SLF2: variants seen among roughly 807,000 people sequenced by gnomAD.
SLF2 encodes SMC5/6 complex localization factor 2, also known as SMC5-SMC6 complex localization factor protein 2.
SLF2 carries 68 observed loss-of-function variants against 124.3 expected under a neutral mutation model. The observed-to-expected ratio is 0.55, with a 90% confidence interval of 0.45 to 0.67. The LOEUF is 0.67. Ranked by LOEUF, SLF2 falls within the 30% of genes least tolerant of loss-of-function variation. The pLI, the probability that SLF2 is intolerant of heterozygous loss-of-function variation, is 0.00. For synonymous variants in SLF2, 480 were observed against 478.8 expected, an observed-to-expected ratio of 1.00 and a Z score of -0.03; for missense variants, 1,246 against 1,373.7, an observed-to-expected ratio of 0.91 and a Z score of 1.47.
At chr10:100,920,854 C>G (rs1463284404) in intron 4 of SLF2, among the ~76,000 whole-genome samples, 3 of 152,148 alleles carry the variant, frequency 2.0e-5, no homozygotes, top group African/African-American at 7.2e-5. Flanking sequence ...GAGGCCAAGG[C>G]AGGAAAATTG....
chr10:100,950,795 T>C, intron 17 of SLF2, 42 bp downstream of exon 17: 4 of 1,458,502 alleles, frequency 2.7e-6, no homozygotes, highest in Non-Finnish European at 3.9e-6. Context: ...TTTAAATAGG[T>C]GTTACTGATG....
chr10:100,924,349 A>G lies in SLF2; in HGVS notation c.1348A>G (p.Ile450Val). 6.2e-7 allele frequency: 1 copy of G among 1,613,940 alleles called. No homozygotes were observed. The highest frequency in any genetic ancestry group is 8.5e-7 in the Non-Finnish European group (1 of 1,179,986). The change falls in exon 5 of 20, where the codon ATT (isoleucine) becomes GTT (valine). Residue 450 changes from isoleucine (I) to valine (V), a missense_variant. Transcript: ENST00000238961. Reference sequence around the variant, plus strand: ...ACCTTTATCTCAGGAAAAGTCTGCAATTAAAAAAGCTAGCAACCTTCAGAA... The same window carrying G: ...ACCTTTATCTCAGGAAAAGTCTGCAGTTAAAAAAGCTAGCAACCTTCAGAA... Reference protein sequence around the residue: ...HLPLSQEKSAIKKASNLQKNK... With the variant: ...HLPLSQEKSAVKKASNLQKNK...
At chr10:100,943,154 G>A (rs1414784284) in intron 11 of SLF2, among the ~76,000 whole-genome samples, 2 of 152,156 alleles carry the variant, frequency 1.3e-5, no homozygotes, top group Non-Finnish European at 2.9e-5. Context: ...ATAAATTTAG[G>A]TATGGTTGAA....
intron 1 of SLF2, chr10:100,913,812 G>A: frequency 1.0e-6 from 1 of 985,598 alleles, no homozygotes; most frequent in Non-Finnish European, 1.2e-6. Flanking sequence ...TAAAGATTTT[G>A]TGGGAGCTAT....
In SLF2 at chr10:100,918,450, A is replaced by G; in HGVS notation, c.973+9A>G. The stretch of plus-strand genomic sequence containing the variant: ...ATGGGAACCTACTTCAGGTAGAATC[A>G]AAATTAAATTTATGGATTTCTAAAT... On this transcript the variant is annotated intron_variant, in intron 4 of 19. Transcript: ENST00000238961. The G allele has an allele frequency of 6.5e-7, 1 of 1,547,122 alleles. No homozygotes were observed. The highest frequency in any genetic ancestry group is 8.8e-7 in the Non-Finnish European group (1 of 1,142,700).
chr10:100,965,007 C>T lies in SLF2; in HGVS notation c.*3095C>T, dbSNP rs1433415318. ...CTGTCAGCCAGTTAATCCACCAGCT[C>T]TTAGGAAGTAAATACAGATTTTTTT... On this transcript the variant is annotated 3_prime_UTR_variant, in exon 20 of 20. Transcript: ENST00000238961. The surrounding 1 kb of genome is among the most constrained non-coding windows in gnomAD (Gnocchi z 4.1). The T allele has an allele frequency of 3.3e-5, 5 of 150,748 alleles. No individual in the cohort carries two copies. The highest frequency in any genetic ancestry group is 1.2e-4 in the African/African-American group (5 of 40,882). The allele number at this position is 150,748 out of a possible 1,614,324, so 9.3% of individuals were successfully genotyped here.
chr10:100,915,943 G>T (rs999870109), intron 1 of SLF2, 56 bp from the exon 2 acceptor site: 115 of 1,309,982 alleles, frequency 8.8e-5, no homozygotes, highest in Non-Finnish European at 9.5e-5. Flanking sequence ...TTTAATCTGA[G>T]TTATGAAGGT....
At chr10:100,937,210 C>T (rs935067610) in intron 9 of SLF2, among the ~76,000 whole-genome samples, 192 bp from the exon 10 acceptor site, 3 of 152,110 alleles carry the variant, frequency 2.0e-5, no homozygotes, top group African/African-American at 4.8e-5. Flanking sequence ...TGGGTTTTGC[C>T]GTCTTGCACA....
intron 9 of SLF2, among the ~76,000 whole-genome samples, chr10:100,934,124 G>T (rs1459931953): frequency 6.6e-6 from 1 of 152,208 alleles, no homozygotes; most frequent in Non-Finnish European, 1.5e-5. Context: ...AGTATTCTCT[G>T]CATTCAAAAA....
rs991258989 is a variant in SLF2 at position 100,941,677 on chromosome 10, T to C, written c.2655-2349T>C. On this transcript the variant is annotated intron_variant, in intron 11 of 19. Transcript: ENST00000238961. The stretch of plus-strand genomic sequence containing the variant: ...TTTGTTGTCGGCTTTCTAATCAAAT[T>C]GATCTGCCTGCTGTCCCTCCACACC... 5.9e-5 allele frequency among the ~76,000 whole-genome samples: 9 copies of C among 152,340 alleles called. 1 individual carries two copies. In the South Asian group the frequency reaches 1.9e-3, roughly 32 times the overall value.
intron 6 of SLF2, among the ~76,000 whole-genome samples, chr10:100,928,208 G>A (rs566507777): frequency 6.0e-4 from 91 of 152,184 alleles, no homozygotes; most frequent in Non-Finnish European, 1.0e-3. Flanking sequence ...TTCAAGGAGT[G>A]TCCTTGAACC....
chr10:100,928,079 CAGAGAGAGAGAGA>C (rs1849653435), intron 6 of SLF2, among the ~76,000 whole-genome samples: 3 of 113,026 alleles, frequency 2.7e-5, no homozygotes, highest in African/African-American at 1.1e-4. Context: ...GAGAGAGAGA[CAGAGAGAGAGAGA>C]GAGAGAGAGA....
rs1849362977 is a variant in SLF2 at position 100,913,576 on chromosome 10, GT to G, written c.140+330del. 4 of 1,193,058 alleles carry G rather than the reference GT, an allele frequency of 3.4e-6. No individual in the cohort carries two copies. The East Asian group carries it at 1.5e-4, about 44-fold the overall frequency. The allele number at this position is 1,193,058 out of a possible 1,614,324, so 73.9% of individuals were successfully genotyped here. On this transcript the variant is annotated intron_variant, in intron 1 of 19. Transcript: ENST00000238961. ...TAACTGCTTAATGCATATTTAGATC[GT>G]TTTCTGTACGTTGTCAGTTCTACTG... is the stretch of plus-strand genomic sequence containing the variant.
intron 17 of SLF2, among the ~76,000 whole-genome samples, chr10:100,953,650 A>T (rs943752195): frequency 6.6e-6 from 1 of 151,608 alleles, no homozygotes; most frequent in East Asian, 2.0e-4. Context: ...TTCCTCTTTA[A>T]AAAAAAATTT....
intron 7 of SLF2, 25 bp from the exon 8 acceptor site, chr10:100,929,805 T>A (rs1032999928): frequency 6.5e-7 from 1 of 1,536,564 alleles, no homozygotes; most frequent in Non-Finnish European, 8.8e-7. Context: ...CAATTTGGTA[T>A]TGATTGACTT....
At chr10:100,928,618 T>G (rs1350529877) in intron 6 of SLF2, among the ~76,000 whole-genome samples, 1 of 152,180 alleles carries the variant, frequency 6.6e-6, no homozygotes, top group Non-Finnish European at 1.5e-5. Context: ...TAACTTAATC[T>G]TGGAGAGGCA....
rs937775364 is a variant in SLF2, at chr10:100,913,337, C to T, written c.140+87C>T. 17 of 1,381,370 alleles carry T rather than the reference C, an allele frequency of 1.2e-5. No homozygotes were observed. The African/African-American group carries it at 2.4e-4, about 20-fold the overall frequency. 85.6% of individuals were successfully genotyped at this position (1,381,370 alleles called of 1,614,324 possible). A position where few individuals can be genotyped will look rare whatever the true frequency, so the allele number is the denominator to read the frequency against. On this transcript the variant is annotated intron_variant, in intron 1 of 19. Transcript: ENST00000238961. The stretch of plus-strand genomic sequence containing the variant: ...TGCAGACCGCCGCTCTTCCAGTTCC[C>T]GCCATCCTCCGCGAGCTCAGGCGTT...
In SLF2 at chr10:100,938,702, A is replaced by G; in HGVS notation, c.2620A>G (p.Asn874Asp). 6.2e-7 allele frequency: 1 copy of G among 1,612,708 alleles called. No individual in the cohort carries two copies. Among genetic ancestry groups the G allele is most frequent in the East Asian group, 2.2e-5 (1 of 44,742 alleles). The change falls in exon 11 of 20, where the codon AAT becomes GAT. Residue 874 changes from asparagine to aspartate, a missense_variant. Asn to Asp is a conservative substitution (Grantham distance 23). Around this residue, in one of 3 missense-constraint regions of SLF2, gnomAD observed 535 missense variants for 632.8 expected, o/e 0.85. Coordinates refer to ENST00000238961, the MANE Select transcript of SLF2 (RefSeq NM_018121.4). ...IDFRSLFPLE[N>D]LQPDFNEDYL... ...TTTTAGATCTTTGTTTCCCCTGGAGAATCTTCAGCCAGACTTTAATGAAGA... is the reference window on the plus strand; with the variant it reads ...TTTTAGATCTTTGTTTCCCCTGGAGGATCTTCAGCCAGACTTTAATGAAGA...
At position 100,964,985 on chromosome 10, in the gene SLF2, T is replaced by C. The variant is rs1850483987; in HGVS notation, c.*3073T>C. On this transcript the variant is annotated 3_prime_UTR_variant, in exon 20 of 20. Coordinates refer to ENST00000238961, the MANE Select transcript of SLF2 (RefSeq NM_018121.4). Reference sequence around the variant, plus strand: ...CATTTGTTTTTCCTGGGCAGTCCTGTCAGCCAGTTAATCCACCAGCTCTTA... The same window carrying C: ...CATTTGTTTTTCCTGGGCAGTCCTGCCAGCCAGTTAATCCACCAGCTCTTA... 1 of 152,522 alleles carries C rather than the reference T, an allele frequency of 6.6e-6. No homozygotes were observed. Among genetic ancestry groups the C allele is most frequent in the Admixed American group, 6.6e-5 (1 of 15,260 alleles). 9.4% of individuals were successfully genotyped at this position (152,522 alleles called of 1,614,324 possible).
Sources: gnomAD v4.1 joint callset for allele counts (sites outside exome capture counted in the v4.1 genomes callset) on GRCh38, gnomAD v4.1.1 for gene constraint, gnomAD v4.1.1 regional missense constraint, Gnocchi (gnomAD v3.1) non-coding constraint, MANE v1.5 for transcripts, NCBI Gene and HGNC (gene_info 2026-07-23, HGNC 2026-07-21) for gene names.